PID1: variants seen among roughly 807,000 people sequenced by gnomAD.
PID1 encodes the protein phosphotyrosine interaction domain containing 1, also known as PTB-containing, cubilin and LRP1-interacting protein.
Under a neutral mutation model 19.1 loss-of-function variants are expected in PID1, and 10 were observed. The ratio of observed to expected loss-of-function variants is 0.52; its 90% CI spans 0.32 to 0.89. The LOEUF (loss-of-function observed/expected upper bound fraction) is 0.89, where lower values mean the gene tolerates loss of function less well. Ranked by LOEUF, PID1 falls within the 40% of genes least tolerant of loss-of-function variation. The probability of loss-of-function intolerance (pLI) is 0.03; values close to 1 mark genes in which losing one functional copy is unlikely to be tolerated. For missense variants in PID1, 248 were observed against 285.3 expected, an observed-to-expected ratio of 0.87 and a Z score of 0.94; for synonymous variants, 130 against 116.0, an observed-to-expected ratio of 1.12 and a Z score of -0.78.
rs60513006 is a variant in PID1 at position 229,134,231 on chromosome 2, G to GTTTTTTTTTTTTTTTTTTTTTTTTTTTTT, written c.177+21586_177+21587insAAAAAAAAAAAAAAAAAAAAAAAAAAAAA. Among the ~76,000 whole-genome samples the GTTTTTTTTTTTTTTTTTTTTTTTTTTTTT allele has an allele frequency of 4.2e-4, 46 of 109,188 alleles. 4 individuals carry two copies. The highest frequency in any genetic ancestry group is 1.6e-3 in the East Asian group (5 of 3,194). 71.6% of individuals were successfully genotyped at this position (109,188 alleles called of 152,430 possible). A position where few individuals can be genotyped will look rare whatever the true frequency, so the allele number is the denominator to read the frequency against. On this transcript the variant is annotated intron_variant, in intron 2 of 2. Coordinates refer to ENST00000392055, the MANE Select transcript of PID1 (RefSeq NM_001100818.2). ...TTCAATAACAATGTTTACTACCTGT[G>GTTTTTTTTTTTTTTTTTTTTTTTTTTTTT]TTTTTTTTTTTTTTTTTTTTTGAGA...
At chr2:229,055,602 C>A (rs1475067921) in intron 2 of PID1, among the ~76,000 whole-genome samples, 1 of 152,164 alleles carries the variant, frequency 6.6e-6, no homozygotes, top group African/African-American at 2.4e-5. Context: ...ACATTTGTAT[C>A]TTTTAAGTTC....
rs564949743 is a variant in PID1 at position 229,066,368 on chromosome 2, G to A, written c.178-40260C>T. Reference sequence around the variant, plus strand: ...GACAAGAGGGGAGGTATTTCAGTGGGATTAGAGGAGTTGAAGGAAGCCACT... The same window carrying A: ...GACAAGAGGGGAGGTATTTCAGTGGAATTAGAGGAGTTGAAGGAAGCCACT... On this transcript the variant is annotated intron_variant, in intron 2 of 2. Coordinates refer to ENST00000392055, the MANE Select transcript of PID1 (RefSeq NM_001100818.2). Among the ~76,000 whole-genome samples the A allele has an allele frequency of 2.6e-5, 4 of 152,186 alleles. 1 individual carries two copies. In the South Asian group the frequency reaches 8.3e-4, roughly 32 times the overall value.
At chr2:229,211,014 CCCTTTCCAAATAAAGCTG>C (rs1691722049) in intron 1 of PID1, among the ~76,000 whole-genome samples, 1 of 152,130 alleles carries the variant, frequency 6.6e-6, no homozygotes, top group African/African-American at 2.4e-5. Flanking sequence ...TTTCTAAAGC[CCCTTTCCAAATAAAGCTG>C]CCTTACAACG....
At chr2:229,151,870 ATT>A in intron 2 of PID1, among the ~76,000 whole-genome samples, 1 of 151,274 alleles carries the variant, frequency 6.6e-6, no homozygotes. Flanking sequence ...GCGCCCAGCT[ATT>A]TTTTTTTATT....
intron 1 of PID1, among the ~76,000 whole-genome samples, chr2:229,254,328 C>T (rs965048219): frequency 6.6e-6 from 1 of 152,132 alleles, no homozygotes; most frequent in African/African-American, 2.4e-5. Context: ...TCTACATAAA[C>T]AGTCTTAGCA....
chr2:229,180,022 C>T (rs1690906211), intron 1 of PID1, among the ~76,000 whole-genome samples: 1 of 152,154 alleles, frequency 6.6e-6, no homozygotes, highest in Non-Finnish European at 1.5e-5. Context: ...AAGGGACTGG[C>T]TAAATCTCCT....
chr2:229,222,609 G>A (rs1691995017), intron 1 of PID1, among the ~76,000 whole-genome samples: 1 of 151,996 alleles, frequency 6.6e-6, no homozygotes, highest in Non-Finnish European at 1.5e-5. Flanking sequence ...CAGTAAAATT[G>A]AGTGAAGCAG....
chr2:229,026,563 C>A (rs192841501), intron 2 of PID1, among the ~76,000 whole-genome samples: 4 of 152,196 alleles, frequency 2.6e-5, no homozygotes, highest in Non-Finnish European at 5.9e-5. Flanking sequence ...TAGCCTGGGT[C>A]TCTTTCCAAA....
At chr2:229,130,870 G>A (rs1190867271) in intron 2 of PID1, among the ~76,000 whole-genome samples, 2 of 152,164 alleles carry the variant, frequency 1.3e-5, no homozygotes, top group East Asian at 1.9e-4. Context: ...GGCAGGCCAG[G>A]GCTAGGGAAA....
intron 1 of PID1, among the ~76,000 whole-genome samples, chr2:229,224,274 A>T (rs1692031893): frequency 6.6e-6 from 1 of 152,180 alleles, no homozygotes; most frequent in South Asian, 2.1e-4. Flanking sequence ...CAGTTTGGAG[A>T]TTCGTCAAAG....
chr2:229,142,884 G>A, intron 2 of PID1, among the ~76,000 whole-genome samples: 1 of 151,456 alleles, frequency 6.6e-6, no homozygotes, highest in Non-Finnish European at 1.5e-5. Context: ...CTGCTATAAA[G>A]ACACATGCAC....
rs1163930437 is a variant in PID1 at position 229,139,029 on chromosome 2, A to AAG, written c.177+16787_177+16788dup. Among the ~76,000 whole-genome samples, 105 of 76,244 alleles carry AAG rather than the reference A, an allele frequency of 1.4e-3. 3 individuals carry two copies. The highest frequency in any genetic ancestry group is 5.0e-3 in the African/African-American group (100 of 20,080). 50.0% of individuals were successfully genotyped at this position (76,244 alleles called of 152,430 possible). The stretch of plus-strand genomic sequence containing the variant: ...AAAGAAAGAAAGAAAGAAAGAAAGA[A>AAG]AGAAAGAAAGAGAAAGAAAGAAAGA... On this transcript the variant is annotated intron_variant, in intron 2 of 2. Coordinates refer to ENST00000392055, the MANE Select transcript of PID1 (RefSeq NM_001100818.2).
intron 2 of PID1, among the ~76,000 whole-genome samples, chr2:229,140,051 C>A (rs923884978): frequency 2.6e-5 from 4 of 152,070 alleles, no homozygotes; most frequent in African/African-American, 9.7e-5. Flanking sequence ...CAAGAAGCAG[C>A]CTCCATGTCC....
chr2:229,074,646 T>C (rs1053826147), intron 2 of PID1, among the ~76,000 whole-genome samples: 5 of 152,222 alleles, frequency 3.3e-5, no homozygotes, highest in Admixed American at 1.3e-4. Context: ...AAGACACTTA[T>C]CTATATTTAA....
intron 2 of PID1, among the ~76,000 whole-genome samples, chr2:229,081,375 A>G (rs1471127365): frequency 6.6e-6 from 1 of 152,252 alleles, no homozygotes; most frequent in African/African-American, 2.4e-5. Context: ...CATAAAATGT[A>G]CAGTGCTTAG....
At chr2:229,034,110 T>A (rs1693610984) in intron 2 of PID1, among the ~76,000 whole-genome samples, 1 of 152,186 alleles carries the variant, frequency 6.6e-6, no homozygotes, top group Non-Finnish European at 1.5e-5. Context: ...TTACAAGCTT[T>A]AAGCCACGAA....
intron 2 of PID1, among the ~76,000 whole-genome samples, chr2:229,114,317 T>C (rs1385491424): frequency 6.6e-6 from 1 of 152,092 alleles, no homozygotes; most frequent in East Asian, 1.9e-4. Flanking sequence ...TCTGTTCTAT[T>C]TAAGAAGTGC....
chr2:229,210,535 AAAAAAAAAAAAAAAAAAAAC>A (rs1396875253), intron 1 of PID1, among the ~76,000 whole-genome samples: 4 of 145,780 alleles, frequency 2.7e-5, no homozygotes, highest in Non-Finnish European at 6.0e-5. Context: ...CAAAAAAAAA[AAAAAAAAAAAAAAAAAAAAC>A]AACCTAGAAG....
intron 2 of PID1, among the ~76,000 whole-genome samples, chr2:229,124,620 C>A (rs888462715): frequency 1.3e-5 from 2 of 151,966 alleles, no homozygotes; most frequent in Admixed American, 6.6e-5. Context: ...GATTCAGTAA[C>A]AATGTTTCAC....
Sources: allele counts gnomAD v4.1 joint callset (sites outside exome capture counted in the v4.1 genomes callset), GRCh38; gene constraint gnomAD v4.1.1; transcripts MANE v1.5; gene names NCBI Gene and HGNC (gene_info 2026-07-23, HGNC 2026-07-21).